The following PCDHGA4 variants were observed in gnomAD, a reference collection of about 807,000 sequenced individuals.
The protein encoded by PCDHGA4 is protocadherin gamma-A4.
A neutral mutation model predicts 54.6 loss-of-function variants in PCDHGA4; 38 were observed. The ratio of observed to expected loss-of-function variants is 0.70; its 90% CI spans 0.54 to 0.91. The LOEUF is 0.91. PCDHGA4 is among the 40% of genes least tolerant of loss of function. PCDHGA4 has a pLI of 0.00. For synonymous variants in PCDHGA4, 511 were observed against 512.9 expected (o/e 1.00, Z 0.05); for missense variants, 1,298 against 1,220.9 (o/e 1.06, Z -0.94).
chr5:141,362,328 C>T (rs1351863626), intron 1 of PCDHGA4: 5 of 1,614,068 alleles, frequency 3.1e-6, no homozygotes, highest in Non-Finnish European at 4.2e-6. Context: ...AGCCTGGTCT[C>T]AGCTCCAAGC....
intron 1 of PCDHGA4, among the ~76,000 whole-genome samples, chr5:141,444,497 C>G (rs899746599): frequency 3.3e-5 from 5 of 152,026 alleles, no homozygotes; most frequent in African/African-American, 1.2e-4. Context: ...TTGTGTAATA[C>G]TTTGCTCTAG....
At chr5:141,404,382 A>G (rs765708858) in intron 1 of PCDHGA4, 27 of 1,613,860 alleles carry the variant, frequency 1.7e-5, no homozygotes, top group South Asian at 1.2e-4. Context: ...GTGATTGCCT[A>G]TGACCCTGAT....
rs561499055 is a variant in PCDHGA4 at position 141,423,745 on chromosome 5, C to G, written c.2514+66124C>G. 10 of 605,688 alleles carry G rather than the reference C, an allele frequency of 1.7e-5. No individual in the cohort carries two copies. The East Asian group carries it at 3.1e-4, about 19-fold the overall frequency. The allele number at this position is 605,688 out of a possible 1,614,324, so 37.5% of individuals were successfully genotyped here. A position where few individuals can be genotyped will look rare whatever the true frequency, so the allele number is the denominator to read the frequency against. The stretch of plus-strand genomic sequence containing the variant: ...ATGTTTTTTGAGCCTGTTATGAAAA[C>G]TGTTTGGGGGGGGGGTGGGGCGGCA... On this transcript the variant is annotated intron_variant, in intron 1 of 3. Coordinates refer to ENST00000571252, the MANE Select transcript of PCDHGA4 (RefSeq NM_018917.4).
chr5:141,471,042 C>G (rs2099247416), intron 1 of PCDHGA4, among the ~76,000 whole-genome samples: 1 of 139,088 alleles, frequency 7.2e-6, no homozygotes, highest in South Asian at 2.3e-4. Flanking sequence ...CAAGCCCAAG[C>G]CCTCTTTTTT....
intron 1 of PCDHGA4, chr5:141,394,424 C>G (rs781695042): frequency 6.2e-7 from 1 of 1,614,222 alleles, no homozygotes; most frequent in East Asian, 2.2e-5. Flanking sequence ...CCAGCGACAG[C>G]GGGGACCCGC....
At chr5:141,378,906 G>A (rs561615275) in intron 1 of PCDHGA4, 2 of 152,278 alleles carry the variant, frequency 1.3e-5, no homozygotes, top group African/African-American at 2.4e-5. Context: ...TTCTGTTATC[G>A]ACAGTCTTCA....
At chr5:141,472,994 A>AAAG (rs2099310386) in intron 1 of PCDHGA4, among the ~76,000 whole-genome samples, 1 of 151,692 alleles carries the variant, frequency 6.6e-6, no homozygotes, top group Non-Finnish European at 1.5e-5. Flanking sequence ...AAAAAAAAAA[A>AAAG]AAAGAAAGAA....
intron 1 of PCDHGA4, chr5:141,413,604 C>T: frequency 5.6e-6 from 9 of 1,613,818 alleles, no homozygotes; most frequent in Non-Finnish European, 7.6e-6. Flanking sequence ...AAAATCTAGA[C>T]GTAAAAATTA....
chr5:141,487,921 A>G lies in PCDHGA4; in HGVS notation c.2515-6886A>G, dbSNP rs17097340. On this transcript the variant is annotated intron_variant, in intron 1 of 3. Coordinates refer to ENST00000571252, the MANE Select transcript of PCDHGA4 (RefSeq NM_018917.4). This position sits in a 1 kb window ranked among gnomAD's most constrained non-coding sequence, Gnocchi z 5.0. ...GGAATGTGGGAGCACAGGAGGCTAC[A>G]GTGCACAGGGTACAGTGCACCAGGC... 0.15 allele frequency: 93,556 copies of G among 639,124 alleles called. 7,160 individuals carry two copies. The highest frequency in any genetic ancestry group is 0.21 in the African/African-American group (11,270 of 54,532). 39.6% of individuals were successfully genotyped at this position (639,124 alleles called of 1,614,324 possible).
At chr5:141,376,683 T>TTTTTTTG (rs1483837724) in intron 1 of PCDHGA4, 1 of 803,912 alleles carries the variant, frequency 1.2e-6, no homozygotes, top group African/African-American at 1.9e-5. Context: ...ATCGTTTTTT[T>TTTTTTTG]TTTTTTTTTT....
At chr5:141,365,440 C>G in intron 1 of PCDHGA4, 1 of 1,613,954 alleles carries the variant, frequency 6.2e-7, no homozygotes, top group Non-Finnish European at 8.5e-7. Context: ...CGCTGTTTAG[C>G]GTACATGATG....
At chr5:141,405,226 C>T (rs756970325) in intron 1 of PCDHGA4, 6 of 1,613,934 alleles carry the variant, frequency 3.7e-6, no homozygotes, top group Admixed American at 3.3e-5. Context: ...AGGAGTTCTC[C>T]CTCACCGCTG....
In PCDHGA4 at chr5:141,489,523, C is replaced by CT. The variant is rs1379784656; in HGVS notation, c.2515-5283dup. On this transcript the variant is annotated intron_variant, in intron 1 of 3. Coordinates refer to ENST00000571252, the MANE Select transcript of PCDHGA4 (RefSeq NM_018917.4). The surrounding 1 kb of genome is among the most constrained non-coding windows in gnomAD (Gnocchi z 4.5). ...GAATCAAAAGATTGACCGAGAAAGC[C>CT]TATGTGGAGCCAGCACCAGCTGCCT... 1 of 1,614,006 alleles carries CT rather than the reference C, an allele frequency of 6.2e-7. No homozygotes were observed. Among genetic ancestry groups the CT allele is most frequent in the Non-Finnish European group, 8.5e-7 (1 of 1,180,044 alleles).
In PCDHGA4 at chr5:141,489,844, C is replaced by A; in HGVS notation, c.2515-4963C>A. 2 of 1,614,148 alleles carry A rather than the reference C, an allele frequency of 1.2e-6. No individual in the cohort carries two copies. Among genetic ancestry groups the A allele is most frequent in the Non-Finnish European group, 1.7e-6 (2 of 1,179,982 alleles). On this transcript the variant is annotated intron_variant, in intron 1 of 3. Coordinates refer to ENST00000571252, the MANE Select transcript of PCDHGA4 (RefSeq NM_018917.4). The surrounding 1 kb of genome is among the most constrained non-coding windows in gnomAD (Gnocchi z 4.5). Reference sequence around the variant, plus strand: ...GCTGGTGCTAGAGCAGCAGCTGGATCGTGAAGCCCAGGCAAGACATCAGCT... The same window carrying A: ...GCTGGTGCTAGAGCAGCAGCTGGATAGTGAAGCCCAGGCAAGACATCAGCT...
chr5:141,360,463 G>T, intron 1 of PCDHGA4: 2 of 1,613,904 alleles, frequency 1.2e-6, no homozygotes, highest in Non-Finnish European at 8.5e-7. Flanking sequence ...CGATACTGTC[G>T]CTGAAAATCC....
At position 141,379,889 on chromosome 5, in the gene PCDHGA4, CTTTTTTTTTTTTTT is replaced by C. The variant is rs70988800; in HGVS notation, c.2514+22285_2514+22298del. Among the ~76,000 whole-genome samples, 12 of 50,834 alleles carry C rather than the reference CTTTTTTTTTTTTTT, an allele frequency of 2.4e-4. 1 individual carries two copies. In the South Asian group the frequency reaches 3.7e-3, roughly 16 times the overall value. The allele number at this position is 50,834 out of a possible 152,430, so 33.3% of individuals were successfully genotyped here. Reference sequence around the variant, plus strand: ...CTTATTTTATGGTCTGTGAAAGCCTCTTTTTTTTTTTTTTTTTTTTTTTTTTTTTTGTCAGAGTC... The same window carrying C: ...CTTATTTTATGGTCTGTGAAAGCCTCTTTTTTTTTTTTTTTTGTCAGAGTC... On this transcript the variant is annotated intron_variant, in intron 1 of 3. Coordinates refer to ENST00000571252, the MANE Select transcript of PCDHGA4 (RefSeq NM_018917.4).
chr5:141,479,329 G>A (rs2099493017), intron 1 of PCDHGA4: 1 of 152,490 alleles, frequency 6.6e-6, no homozygotes, highest in African/African-American at 2.4e-5. Context: ...AGACTCAGTG[G>A]TGTGCACCTG....
At chr5:141,450,829 A>T (rs187691791) in intron 1 of PCDHGA4, among the ~76,000 whole-genome samples, 19,077 of 135,014 alleles carry the variant, frequency 0.14, 1,595 homozygotes, top group African/African-American at 0.24. Context: ...TATTATTATT[A>T]TTTTTTTTTT....
chr5:141,505,413 C>G lies in PCDHGA4; in HGVS notation c.2594C>G (p.Thr865Ser). ...CCCAGCTCCCAAAATGGCGATGACA[C>G]CGGCACCTGGCCCAACAACCAGTTT... Reference protein sequence around the residue: ...GTSGSQNGDDTGTWPNNQFDT... With the variant: ...GTSGSQNGDDSGTWPNNQFDT... Residue 865 changes from threonine to serine, a missense_variant, in exon 3 of 4, where the codon ACC (threonine) becomes AGC (serine). Physicochemically the swap from Thr to Ser is moderately conservative, Grantham distance 58. Coordinates refer to ENST00000571252, the MANE Select transcript of PCDHGA4 (RefSeq NM_018917.4). 2.5e-6 allele frequency: 4 copies of G among 1,614,202 alleles called. No individual in the cohort carries two copies. In the South Asian group the frequency reaches 4.4e-5, roughly 18 times the overall value.
Sources: allele counts gnomAD v4.1 joint callset (sites outside exome capture counted in the v4.1 genomes callset), GRCh38; gene constraint gnomAD v4.1.1; non-coding constraint Gnocchi (gnomAD v3.1); transcripts MANE v1.5; gene names NCBI Gene and HGNC (gene_info 2026-07-23, HGNC 2026-07-21).